The following ZDHHC6 variants were observed in gnomAD, a reference collection of about 807,000 sequenced individuals.
The protein encoded by ZDHHC6 is palmitoyltransferase ZDHHC6.
In ZDHHC6, 32 loss-of-function variants were observed where a neutral mutation model predicts 57.8. That is an observed-to-expected ratio of 0.55 (90% confidence interval 0.42 to 0.74). The LOEUF is 0.74. ZDHHC6 is among the 30% of genes least tolerant of loss of function. ZDHHC6 has a pLI of 0.00. For missense variants in ZDHHC6, 433 were observed against 500.7 expected (o/e 0.86, Z 1.29); for synonymous variants, 128 against 158.0 (o/e 0.81, Z 1.42).
At position 112,434,471 on chromosome 10, in the gene ZDHHC6, G is replaced by C; in HGVS notation, c.736-7C>G. Reference sequence around the variant, plus strand: ...ACTGAATTCGATCTTTAGCCTGTGGGTAACAAAGATATAAGATGGCAGGTG... The same window carrying C: ...ACTGAATTCGATCTTTAGCCTGTGGCTAACAAAGATATAAGATGGCAGGTG... On this transcript the variant is annotated splice_polypyrimidine_tract_variant and splice_region_variant and intron_variant, in intron 6 of 10. Transcript: ENST00000369405. 1 of 1,607,120 alleles carries C rather than the reference G, an allele frequency of 6.2e-7. No homozygotes were observed.
chr10:112,430,627 TG>T lies in ZDHHC6; in HGVS notation c.*176del, dbSNP rs1844932144. 3.8e-6 allele frequency: 2 copies of T among 525,330 alleles called. No individual in the cohort carries two copies. The highest frequency in any genetic ancestry group is 3.3e-6 in the Non-Finnish European group (1 of 302,014). 32.5% of individuals were successfully genotyped at this position (525,330 alleles called of 1,614,324 possible). On this transcript the variant is annotated 3_prime_UTR_variant, in exon 11 of 11. Transcript: ENST00000369405. ...AGAGGGGCAGGAATTCAAAGGCATA[TG>T]CAGAATGGCTTCTCCATTTCAAAAT... is the stretch of plus-strand genomic sequence containing the variant.
Position 112,432,521 on chromosome 10 carries a change from C to A in ZDHHC6, c.946G>T (p.Val316Phe). The change falls in exon 9 of 11, where the codon GTT becomes TTT. Residue 316 changes from valine to phenylalanine, a missense_variant and splice_region_variant. Val to Phe is a conservative substitution (Grantham distance 50). Transcript: ENST00000369405. ...TAATCTTCTATTACTTTATAGCGAA[C>A]CTGTCGTCAGTGATCAGAAGAAACC... ...KQKADKRVRS[V>F]RYKVIEDYSG... 1.2e-6 allele frequency: 2 copies of A among 1,612,360 alleles called. No homozygotes were observed. Among genetic ancestry groups the A allele is most frequent in the Non-Finnish European group, 1.7e-6 (2 of 1,179,510 alleles).
downstream of ZDHHC6, chr10:112,428,290 T>C (rs1041823715): frequency 1.8e-5 from 7 of 392,386 alleles, no homozygotes; most frequent in African/African-American, 1.0e-4. Context: ...ACCCTTGGAT[T>C]AGAGTTCCTG....
At chr10:112,445,023 G>A (rs1204206188) in intron 2 of ZDHHC6, 147 bp downstream of exon 2, 9 of 928,250 alleles carry the variant, frequency 9.7e-6, no homozygotes, top group Non-Finnish European at 1.4e-5. Context: ...AAGTCTCCGA[G>A]CCTAAATGAT....
chr10:112,428,838 T>G (rs933401036), downstream of ZDHHC6, among the ~76,000 whole-genome samples: 1 of 151,904 alleles, frequency 6.6e-6, no homozygotes, highest in Non-Finnish European at 1.5e-5. Flanking sequence ...GGATTCTGGC[T>G]TAAATGGCCG....
At chr10:112,446,391 G>A (rs1273915177) in intron 1 of ZDHHC6, among the ~76,000 whole-genome samples, 1 of 152,124 alleles carries the variant, frequency 6.6e-6, no homozygotes, top group Non-Finnish European at 1.5e-5. Context: ...CTCCAGGAGC[G>A]AGGGAAATGG....
At chr10:112,444,331 C>T (rs1423037125) in intron 2 of ZDHHC6, among the ~76,000 whole-genome samples, 2 of 152,208 alleles carry the variant, frequency 1.3e-5, no homozygotes, top group East Asian at 3.9e-4. Flanking sequence ...TCCCACTCCT[C>T]CCTCAGGTCC....
Position 112,432,475 on chromosome 10 carries a change from A to C in ZDHHC6, c.992T>G (p.Leu331Arg). ...IEDYSGACCPLNKGIKTFFTS... is the reference protein window; with the variant it reads ...IEDYSGACCPRNKGIKTFFTS... ...GAAGAAGGTTTTGATTCCTTTATTC[A>C]GAGGGCAGCAGGCACCACTATAATC... Residue 331 changes from leucine to arginine, a missense_variant, in exon 9 of 11, where the codon CTG (leucine) becomes CGG (arginine). Transcript: ENST00000369405. 1 of 1,614,164 alleles carries C rather than the reference A, an allele frequency of 6.2e-7. No individual in the cohort carries two copies. The highest frequency in any genetic ancestry group is 8.5e-7 in the Non-Finnish European group (1 of 1,180,008).
chr10:112,432,160 G>T, intron 10 of ZDHHC6, 80 bp downstream of exon 10: 1 of 1,409,720 alleles, frequency 7.1e-7, no homozygotes, highest in Non-Finnish European at 9.6e-7. Flanking sequence ...GGCATGATTG[G>T]TTTATAAAAG....
At chr10:112,428,847 C>T (rs573132248), downstream of ZDHHC6, among the ~76,000 whole-genome samples, 66 of 152,066 alleles carry the variant, frequency 4.3e-4, no homozygotes, top group South Asian at 9.8e-3. Flanking sequence ...CTTAAATGGC[C>T]GGATACAGCC....
chr10:112,425,611 A>AAT, downstream of ZDHHC6: 2 of 860,988 alleles, frequency 2.3e-6, no homozygotes, highest in Non-Finnish European at 3.2e-6. Flanking sequence ...AAAAAAAAAA[A>AAT]ATGAAGTTAC....
At chr10:112,431,387 T>C (rs1176166900) in intron 10 of ZDHHC6, among the ~76,000 whole-genome samples, 1 of 152,018 alleles carries the variant, frequency 6.6e-6, no homozygotes, top group African/African-American at 2.4e-5. Context: ...GATCTCAGAT[T>C]ACTGCAACCT....
chr10:112,426,727 A>T, downstream of ZDHHC6: 1 of 1,494,552 alleles, frequency 6.7e-7, no homozygotes, highest in Non-Finnish European at 9.3e-7. Flanking sequence ...GAGTTGGTTC[A>T]TGCTTAGCCC....
At chr10:112,444,852 A>G (rs1846481395) in intron 2 of ZDHHC6, among the ~76,000 whole-genome samples, 1 of 152,134 alleles carries the variant, frequency 6.6e-6, no homozygotes, top group Non-Finnish European at 1.5e-5. Context: ...CTACAGCCAA[A>G]CCTCACTGTG....
At chr10:112,441,671 T>C (rs1204985242) in intron 4 of ZDHHC6, among the ~76,000 whole-genome samples, 1 of 152,238 alleles carries the variant, frequency 6.6e-6, no homozygotes, top group African/African-American at 2.4e-5. Context: ...TCTCGTTTAC[T>C]TTCAAGGCCT....
At chr10:112,441,591 C>T (rs933098760) in intron 4 of ZDHHC6, among the ~76,000 whole-genome samples, 1 of 152,094 alleles carries the variant, frequency 6.6e-6, no homozygotes, top group African/African-American at 2.4e-5. Flanking sequence ...CACAAGCTAG[C>T]AGATCAAATA....
At chr10:112,427,967 T>C (rs569447259), downstream of ZDHHC6, 77 of 154,194 alleles carry the variant, frequency 5.0e-4, no homozygotes, top group Admixed American at 1.1e-3. Context: ...ATACCAAACA[T>C]TTCCTAAACT....
In ZDHHC6 at chr10:112,434,477, A is replaced by C. The variant is rs375877755; in HGVS notation, c.736-13T>G. 11 of 1,603,610 alleles carry C rather than the reference A, an allele frequency of 6.9e-6. No individual in the cohort carries two copies. The African/African-American group carries it at 1.3e-4, about 20-fold the overall frequency. On this transcript the variant is annotated splice_polypyrimidine_tract_variant and intron_variant, in intron 6 of 10. Coordinates refer to ENST00000369405, the MANE Select transcript of ZDHHC6 (RefSeq NM_022494.3). ...TTCGATCTTTAGCCTGTGGGTAACAAAGATATAAGATGGCAGGTGCCTCTG... is the reference window on the plus strand; with the variant it reads ...TTCGATCTTTAGCCTGTGGGTAACACAGATATAAGATGGCAGGTGCCTCTG...
At chr10:112,444,584 C>T (rs969556393) in intron 2 of ZDHHC6, among the ~76,000 whole-genome samples, 2 of 152,178 alleles carry the variant, frequency 1.3e-5, no homozygotes, top group Non-Finnish European at 2.9e-5. Context: ...AATAAAGATT[C>T]TGCTTCAGTA....
Sources: gnomAD v4.1 joint callset for allele counts (sites outside exome capture counted in the v4.1 genomes callset) on GRCh38, gnomAD v4.1.1 for gene constraint, MANE v1.5 for transcripts, NCBI Gene and HGNC (gene_info 2026-07-23, HGNC 2026-07-21) for gene names.